ACTR3C: variants seen among roughly 807,000 people sequenced by gnomAD.
The protein encoded by ACTR3C is actin related protein 3C.
Under a neutral mutation model 26.3 loss-of-function variants are expected in ACTR3C, and 18 were observed. That is an observed-to-expected ratio of 0.68 (90% CI 0.47 to 1.01). ACTR3C has a LOEUF of 1.01. Ranked by LOEUF, ACTR3C falls within the 50% of genes least tolerant of loss-of-function variation. The pLI is 0.00. For synonymous variants in ACTR3C, 55 were observed against 94.5 expected (o/e 0.58, Z 2.42); for missense variants, 184 against 250.7 (o/e 0.73, Z 1.80).
the ACTR3C span, among the ~76,000 whole-genome samples, chr7:149,888,467 A>C: frequency 6.6e-6 from 1 of 152,214 alleles, no homozygotes; most frequent in Non-Finnish European, 1.5e-5. Context: ...AATAGCTGCT[A>C]AGCTTGACTC....
At chr7:149,940,451 C>G in the ACTR3C span, among the ~76,000 whole-genome samples, 1 of 151,778 alleles carries the variant, frequency 6.6e-6, no homozygotes, top group Non-Finnish European at 1.5e-5. Context: ...GTCTCAACCA[C>G]TAGTATTGAT....
At chr7:150,006,156 T>G in the ACTR3C span, among the ~76,000 whole-genome samples, 1 of 136,338 alleles carries the variant, frequency 7.3e-6, no homozygotes, top group African/African-American at 2.9e-5. Context: ...ACCTAAAGGC[T>G]TCCCAATAAA....
At chr7:150,110,753 CG>C in the ACTR3C span, among the ~76,000 whole-genome samples, 2 of 78,570 alleles carry the variant, frequency 2.5e-5, no homozygotes, top group Non-Finnish European at 5.0e-5. Flanking sequence ...CAGCAGGGGG[CG>C]GGGCTTGCTG....
At chr7:150,104,884 G>A in the ACTR3C span, among the ~76,000 whole-genome samples, 1 of 152,006 alleles carries the variant, frequency 6.6e-6, no homozygotes, top group African/African-American at 2.4e-5. Flanking sequence ...TTAGGTAAGA[G>A]TGAATGCCAT....
chr7:150,089,354 T>C, the ACTR3C span, among the ~76,000 whole-genome samples: 2 of 152,184 alleles, frequency 1.3e-5, no homozygotes, highest in African/African-American at 4.8e-5. Context: ...CTCATTAGCA[T>C]CAGGAATGTG....
chr7:150,169,807 T>C, the ACTR3C span, among the ~76,000 whole-genome samples: 62 of 151,010 alleles, frequency 4.1e-4, 5 homozygotes, highest in African/African-American at 1.4e-3. Flanking sequence ...TTTTGCATCA[T>C]TGAGCTTAAG....
the ACTR3C span, among the ~76,000 whole-genome samples, chr7:150,122,747 CA>C: frequency 3.3e-5 from 5 of 152,140 alleles, no homozygotes; most frequent in South Asian, 1.0e-3. Flanking sequence ...GGTATATACC[CA>C]AAGGATTATA....
chr7:149,931,312 T>C, the ACTR3C span, among the ~76,000 whole-genome samples: 38 of 152,384 alleles, frequency 2.5e-4, no homozygotes, highest in African/African-American at 9.1e-4. Flanking sequence ...CTCAGTTTAC[T>C]AGCACTCCCT....
At chr7:150,172,281 A>G in the ACTR3C span, among the ~76,000 whole-genome samples, 1 of 150,600 alleles carries the variant, frequency 6.6e-6, no homozygotes, top group Non-Finnish European at 1.5e-5. Context: ...AATTGGACTT[A>G]TAGTTCCACA....
chr7:150,118,940 TAAA>T, the ACTR3C span, among the ~76,000 whole-genome samples: 2 of 141,002 alleles, frequency 1.4e-5, no homozygotes, highest in African/African-American at 5.2e-5. Context: ...TCAACATTCT[TAAA>T]AAAAAAAAAA....
chr7:149,921,109 G>A, the ACTR3C span, among the ~76,000 whole-genome samples: 3 of 152,146 alleles, frequency 2.0e-5, no homozygotes, highest in Non-Finnish European at 4.4e-5. Flanking sequence ...TAATGACTCT[G>A]AATTTTTTCC....
At chr7:149,896,947 GCTA>G in the ACTR3C span, among the ~76,000 whole-genome samples, 1 of 151,528 alleles carries the variant, frequency 6.6e-6, no homozygotes, top group Non-Finnish European at 1.5e-5. Context: ...TATAATCCCA[GCTA>G]CTTGGGAGGC....
the ACTR3C span, among the ~76,000 whole-genome samples, chr7:150,108,593 A>G: frequency 1.3e-5 from 2 of 148,468 alleles, 1 homozygote; most frequent in African/African-American, 5.1e-5. Context: ...GAGGTGTTCA[A>G]ATCATGAGGC....
At chr7:150,219,140 A>G in the ACTR3C span, among the ~76,000 whole-genome samples, 1 of 148,218 alleles carries the variant, frequency 6.7e-6, no homozygotes, top group East Asian at 1.9e-4. Context: ...TGAATCCAAT[A>G]TCATTACTCA....
chr7:150,289,429 C>T lies in ACTR3C; in HGVS notation c.297+21G>A, dbSNP rs768623907. ...CCATCTCTCTCACCCCCAAACCAGCCGGTTTCCCATCTGTTTTTACCTTAA... is the reference window on the plus strand; with the variant it reads ...CCATCTCTCTCACCCCCAAACCAGCTGGTTTCCCATCTGTTTTTACCTTAA... On this transcript the variant is annotated intron_variant, in intron 4 of 7. Coordinates refer to ENST00000683684, the MANE Select transcript of ACTR3C (RefSeq NM_001164458.2). 1.3e-5 allele frequency: 21 copies of T among 1,562,590 alleles called. 1 individual carries two copies. Among genetic ancestry groups the T allele is most frequent in the Middle Eastern group, 3.4e-4 (2 of 5,814 alleles).
chr7:149,948,037 T>C, the ACTR3C span, among the ~76,000 whole-genome samples: 1 of 148,914 alleles, frequency 6.7e-6, no homozygotes, highest in Non-Finnish European at 1.5e-5. Flanking sequence ...ACCCACATGG[T>C]GGCTGCACTG....
At chr7:150,211,672 A>G in the ACTR3C span, among the ~76,000 whole-genome samples, 1 of 150,234 alleles carries the variant, frequency 6.7e-6, no homozygotes, top group East Asian at 1.9e-4. Context: ...ACACAGGTGA[A>G]CAAAGGCCCA....
the ACTR3C span, among the ~76,000 whole-genome samples, chr7:150,043,951 G>A: frequency 2.0e-5 from 3 of 152,156 alleles, no homozygotes; most frequent in African/African-American, 4.8e-5. Context: ...GTTGGTTGTC[G>A]AAGACATAGC....
chr7:150,040,511 T>A, the ACTR3C span: 1 of 148,696 alleles, frequency 6.7e-6, no homozygotes, highest in African/African-American at 2.6e-5. Context: ...ATGTTTGGGA[T>A]CCACAGTCTA....
Sources: gnomAD v4.1 joint callset for allele counts (sites outside exome capture counted in the v4.1 genomes callset) on GRCh38, gnomAD v4.1.1 for gene constraint, MANE v1.5 for transcripts, NCBI Gene and HGNC (gene_info 2026-07-23, HGNC 2026-07-21) for gene names.